Variants in FLVCR2 observed in about 807,000 individuals in gnomAD.
The protein encoded by FLVCR2 is FLVCR choline and putative heme transporter 2.
FLVCR2 carries 38 observed loss-of-function variants against 48.9 expected under a neutral mutation model. The ratio of observed to expected loss-of-function variants is 0.78; its 90% CI spans 0.60 to 1.02. The LOEUF (loss-of-function observed/expected upper bound fraction) is 1.02. Among genes scored for constraint, FLVCR2 ranks in the 50% least tolerant of loss-of-function variants. The pLI is 0.00. For synonymous variants in FLVCR2, 255 were observed against 257.0 expected, an observed-to-expected ratio of 0.99 and a Z score of 0.07; for missense variants, 664 against 663.3, an observed-to-expected ratio of 1.00 and a Z score of -0.01.
chr14:75,635,190 G>A (rs577700000), intron 5 of FLVCR2, among the ~76,000 whole-genome samples, 177 bp downstream of exon 5: 40 of 152,236 alleles, frequency 2.6e-4, no homozygotes, highest in Non-Finnish European at 4.9e-4. Flanking sequence ...AGCTATACCC[G>A]TCTTAAGATC....
intron 1 of FLVCR2, among the ~76,000 whole-genome samples, chr14:75,584,645 G>T (rs141229492): frequency 6.6e-6 from 1 of 152,200 alleles, no homozygotes; most frequent in Non-Finnish European, 1.5e-5. Flanking sequence ...TCCACTGGGG[G>T]TCCTCTTGGG....
chr14:75,638,714 G>A (rs778829965), intron 5 of FLVCR2, among the ~76,000 whole-genome samples: 58 of 152,194 alleles, frequency 3.8e-4, no homozygotes, highest in Admixed American at 2.3e-3. Context: ...CTGTGGCTAG[G>A]ACATGACAAG....
intron 6 of FLVCR2, chr14:75,640,705 A>T (rs887391706): frequency 3.7e-5 from 20 of 539,240 alleles, no homozygotes; most frequent in Non-Finnish European, 6.0e-5. Context: ...TGATGGCAAG[A>T]TGGAGAAGCA....
At chr14:75,605,441 G>A (rs1889266459) in intron 1 of FLVCR2, 1 of 1,477,414 alleles carries the variant, frequency 6.8e-7, no homozygotes, top group African/African-American at 1.4e-5. Context: ...CACCCTGTAA[G>A]CTCTGGTGGC....
Position 75,632,983 on chromosome 14 carries a change from G to A in FLVCR2, c.953-646G>A, listed in dbSNP as rs147711887. The A allele has an allele frequency of 5.7e-6, 4 of 702,186 alleles. No individual in the cohort carries two copies. The East Asian group carries it at 1.1e-4, about 19-fold the overall frequency. 43.5% of individuals were successfully genotyped at this position (702,186 alleles called of 1,614,324 possible). On this transcript the variant is annotated intron_variant, in intron 3 of 9. Coordinates refer to ENST00000238667, the MANE Select transcript of FLVCR2 (RefSeq NM_017791.3). Reference sequence around the variant, plus strand: ...TTCCAGTCTCAGCTACTCACTTGCTGTATGACTTTGGGCAAATGACCTTAT... The same window carrying A: ...TTCCAGTCTCAGCTACTCACTTGCTATATGACTTTGGGCAAATGACCTTAT...
chr14:75,635,066 A>T (rs1890132715), intron 5 of FLVCR2, 53 bp downstream of exon 5: 1 of 1,180,884 alleles, frequency 8.5e-7, no homozygotes, highest in East Asian at 2.3e-5. Context: ...TTTTGAAATG[A>T]CATATTCATA....
At chr14:75,605,925 T>C (rs1889279582) in intron 1 of FLVCR2, 1 of 422,866 alleles carries the variant, frequency 2.4e-6, no homozygotes, top group Non-Finnish European at 4.4e-6. Context: ...GGGTCTCCTT[T>C]GGCGGCTCTA....
At chr14:75,613,814 G>C (rs1889529548) in intron 1 of FLVCR2, among the ~76,000 whole-genome samples, 1 of 152,168 alleles carries the variant, frequency 6.6e-6, no homozygotes, top group South Asian at 2.1e-4. Flanking sequence ...GCCTCCCAAA[G>C]TGCTGGGATT....
chr14:75,580,022 T>C (rs775035577), intron 1 of FLVCR2, among the ~76,000 whole-genome samples: 1 of 152,240 alleles, frequency 6.6e-6, no homozygotes, highest in Non-Finnish European at 1.5e-5. Flanking sequence ...GTGCTTTCAG[T>C]TGGACCAACC....
At chr14:75,611,215 T>A (rs1435311204) in intron 1 of FLVCR2, among the ~76,000 whole-genome samples, 1 of 152,086 alleles carries the variant, frequency 6.6e-6, no homozygotes, top group African/African-American at 2.4e-5. Context: ...GAGACACCTC[T>A]CACCCTTGCT....
chr14:75,625,978 G>A (rs1889891413), intron 3 of FLVCR2, among the ~76,000 whole-genome samples: 1 of 151,836 alleles, frequency 6.6e-6, no homozygotes, highest in African/African-American at 2.4e-5. Context: ...TAACTCCAAA[G>A]TCTCATTCTT....
At chr14:75,586,575 T>A (rs1005858155) in intron 1 of FLVCR2, among the ~76,000 whole-genome samples, 7 of 152,130 alleles carry the variant, frequency 4.6e-5, no homozygotes, top group African/African-American at 1.7e-4. Context: ...AATTTAGAAA[T>A]TTTTCATTTA....
Position 75,641,261 on chromosome 14 carries a change from G to A in FLVCR2, c.1421G>A (p.Cys474Tyr). 3 of 1,613,892 alleles carry A rather than the reference G, an allele frequency of 1.9e-6. No individual in the cohort carries two copies. Among genetic ancestry groups the A allele is most frequent in the Non-Finnish European group, 2.5e-6 (3 of 1,179,908 alleles). Residue 474 changes from cysteine to tyrosine, a missense_variant, in exon 8 of 10, where the codon TGT (cysteine) becomes TAT (tyrosine). Transcript: ENST00000238667. ...ACCAAGCCTGGGAACATCTTCCTGT[G>A]TGTGTTCCTTACTCTTGGAGCAGCC... ...YGTKPGNIFLCVFLTLGAALT... is the reference protein window; with the variant it reads ...YGTKPGNIFLYVFLTLGAALT...
At chr14:75,640,858 C>T in intron 6 of FLVCR2, 97 bp from the exon 7 acceptor site, 2 of 860,946 alleles carry the variant, frequency 2.3e-6, no homozygotes, top group Non-Finnish European at 2.0e-6. Flanking sequence ...TGGGAAGAAA[C>T]AAAACAGCAA....
intron 1 of FLVCR2, among the ~76,000 whole-genome samples, chr14:75,618,335 G>A (rs1170650168): frequency 2.0e-5 from 3 of 152,154 alleles, no homozygotes; most frequent in Admixed American, 6.5e-5. Context: ...GGATAAAAAC[G>A]GGGTTGGTAC....
At chr14:75,640,869 AGGGAGTCCTAG>A (rs1212493844) in intron 6 of FLVCR2, 75 bp from the exon 7 acceptor site, 8 of 903,764 alleles carry the variant, frequency 8.9e-6, no homozygotes, top group Non-Finnish European at 1.5e-5. Context: ...AAAACAGCAA[AGGGAGTCCTAG>A]GGGAGGAGGT....
In FLVCR2 at chr14:75,647,999, A is replaced by C. The variant is rs1890458491; in HGVS notation, c.*1527A>C. The C allele has an allele frequency of 6.5e-6, 1 of 152,904 alleles. No homozygotes were observed. The highest frequency in any genetic ancestry group is 1.5e-5 in the Non-Finnish European group (1 of 68,058). The allele number at this position is 152,904 out of a possible 1,614,324, so 9.5% of individuals were successfully genotyped here. On this transcript the variant is annotated 3_prime_UTR_variant, in exon 10 of 10. Transcript: ENST00000238667. The stretch of plus-strand genomic sequence containing the variant: ...GAAGTAGTGAGTCAGTGTGGAAGAG[A>C]GGTGAGGGTGTGCTTTACTTTTTGA...
At chr14:75,628,636 G>A (rs1410627468) in intron 3 of FLVCR2, among the ~76,000 whole-genome samples, 1 of 152,194 alleles carries the variant, frequency 6.6e-6, no homozygotes, top group East Asian at 1.9e-4. Context: ...CATGTCTTGG[G>A]TTAAGAGCCT....
At chr14:75,629,967 C>T (rs1344594023) in intron 3 of FLVCR2, among the ~76,000 whole-genome samples, 2 of 152,184 alleles carry the variant, frequency 1.3e-5, no homozygotes, top group African/African-American at 4.8e-5. Context: ...CTCTAAAATC[C>T]TGGCTGAGGA....
Sources: gnomAD v4.1 joint callset for allele counts (sites outside exome capture counted in the v4.1 genomes callset) on GRCh38, gnomAD v4.1.1 for gene constraint, MANE v1.5 for transcripts, NCBI Gene and HGNC (gene_info 2026-07-23, HGNC 2026-07-21) for gene names.